KIRREL3: variants seen among roughly 807,000 people sequenced by gnomAD.
KIRREL3 encodes the protein kirre like nephrin family adhesion molecule 3.
A neutral mutation model predicts 89.7 loss-of-function variants in KIRREL3; 36 were observed. That is an observed-to-expected ratio of 0.40 (90% CI 0.31 to 0.53). The LOEUF is 0.53. Ranked by LOEUF, KIRREL3 falls within the 20% of genes least tolerant of loss-of-function variation. KIRREL3 has a pLI of 0.49. For synonymous variants in KIRREL3, 445 were observed against 441.4 expected, an observed-to-expected ratio of 1.01 and a Z score of -0.10; for missense variants, 864 against 1,056.6, an observed-to-expected ratio of 0.82 and a Z score of 2.53.
In KIRREL3 at chr11:126,566,312, G is replaced by A. The variant is rs1260410164; in HGVS notation, c.56-3400C>T. 1.3e-5 allele frequency among the ~76,000 whole-genome samples: 2 copies of A among 152,192 alleles called. No homozygotes were observed. Among genetic ancestry groups the A allele is most frequent in the African/African-American group, 4.8e-5 (2 of 41,450 alleles). ...ATTGGAGTAGGGTATGTTTCTTAGG[G>A]AGAAGATAAGTTTGCACCCTTGGGA... On this transcript the variant is annotated intron_variant, in intron 1 of 16. Transcript: ENST00000525144. This position sits in a 1 kb window ranked among gnomAD's most constrained non-coding sequence, Gnocchi z 4.9.
intron 1 of KIRREL3, among the ~76,000 whole-genome samples, chr11:126,842,126 A>G (rs1287344816): frequency 6.6e-6 from 1 of 152,022 alleles, no homozygotes; most frequent in Non-Finnish European, 1.5e-5. Flanking sequence ...TGAGGAGGGA[A>G]GGGGAGCCGC....
chr11:126,702,276 G>C (rs372484704), intron 1 of KIRREL3, among the ~76,000 whole-genome samples: 1 of 152,178 alleles, frequency 6.6e-6, no homozygotes, highest in African/African-American at 2.4e-5. Flanking sequence ...GGTAGCTGCA[G>C]GTATATTACA....
chr11:126,903,435 T>C lies in KIRREL3; in HGVS notation c.55+97020A>G, dbSNP rs1249119249. On this transcript the variant is annotated intron_variant, in intron 1 of 16. Coordinates refer to ENST00000525144, the MANE Select transcript of KIRREL3 (RefSeq NM_032531.4). The surrounding 1 kb of genome is among the most constrained non-coding windows in gnomAD (Gnocchi z 4.5). ...TTAATTAGAGATTAAAATTGAGGAA[T>C]TGAATAATTGAGGTTGCTAATGAAT... 2.0e-5 allele frequency among the ~76,000 whole-genome samples: 3 copies of C among 152,214 alleles called. No individual in the cohort carries two copies. The highest frequency in any genetic ancestry group is 4.4e-5 in the Non-Finnish European group (3 of 68,040).
rs1949595430 is a variant in KIRREL3 at position 126,976,943 on chromosome 11, A to G, written c.55+23512T>C. Among the ~76,000 whole-genome samples, 1 of 152,168 alleles carries G rather than the reference A, an allele frequency of 6.6e-6. No individual in the cohort carries two copies. Among genetic ancestry groups the G allele is most frequent in the Non-Finnish European group, 1.5e-5 (1 of 68,036 alleles). ...TCAAGTTTTAATTCCTTCTCAATTC[A>G]GCTGATCGTCCCTCAACTATGAACA... On this transcript the variant is annotated intron_variant, in intron 1 of 16. Transcript: ENST00000525144. This position sits in a 1 kb window ranked among gnomAD's most constrained non-coding sequence, Gnocchi z 4.2.
chr11:126,836,442 G>A (rs1943783773), intron 1 of KIRREL3, among the ~76,000 whole-genome samples: 1 of 150,936 alleles, frequency 6.6e-6, no homozygotes, highest in Non-Finnish European at 1.5e-5. Context: ...AAGGGTCTGA[G>A]CCAAGCCAAT....
At chr11:126,974,333 T>A (rs1591407228) in intron 1 of KIRREL3, among the ~76,000 whole-genome samples, 1 of 152,152 alleles carries the variant, frequency 6.6e-6, no homozygotes, top group East Asian at 1.9e-4. Flanking sequence ...GGAGATACGT[T>A]CTGAGAAATG....
intron 1 of KIRREL3, among the ~76,000 whole-genome samples, chr11:126,602,375 C>T (rs1330127960): frequency 1.3e-5 from 2 of 152,188 alleles, no homozygotes; most frequent in Non-Finnish European, 2.9e-5. Context: ...TCTGCCCTTT[C>T]CACCTGGGCC....
chr11:126,469,750 G>C (rs1484868159), intron 5 of KIRREL3, among the ~76,000 whole-genome samples: 2 of 152,200 alleles, frequency 1.3e-5, no homozygotes, highest in Non-Finnish European at 2.9e-5. Flanking sequence ...CCTTGCCTTG[G>C]GACACAGGGC....
At position 126,627,448 on chromosome 11, in the gene KIRREL3, C is replaced by T. The variant is rs1027449475; in HGVS notation, c.56-64536G>A. ...TTGCTGGGACAACCAGTGGCGTCAT[C>T]TTCACCAAGTCTAGGGTGGTCACCT... is the stretch of plus-strand genomic sequence containing the variant. On this transcript the variant is annotated intron_variant, in intron 1 of 16. Coordinates refer to ENST00000525144, the MANE Select transcript of KIRREL3 (RefSeq NM_032531.4). The surrounding 1 kb of genome is among the most constrained non-coding windows in gnomAD (Gnocchi z 5.0). Among the ~76,000 whole-genome samples, 2 of 152,168 alleles carry T rather than the reference C, an allele frequency of 1.3e-5. No individual in the cohort carries two copies. Among genetic ancestry groups the T allele is most frequent in the African/African-American group, 4.8e-5 (2 of 41,436 alleles).
intron 1 of KIRREL3, among the ~76,000 whole-genome samples, chr11:126,886,873 A>C (rs1259783206): frequency 6.6e-6 from 1 of 152,054 alleles, no homozygotes; most frequent in Non-Finnish European, 1.5e-5. Flanking sequence ...ATTCTGCCCC[A>C]CTCTTGACAG....
intron 1 of KIRREL3, among the ~76,000 whole-genome samples, chr11:126,980,003 C>T (rs1029221203): frequency 5.9e-5 from 9 of 152,118 alleles, no homozygotes; most frequent in African/African-American, 1.9e-4. Flanking sequence ...AAGTCAAGAA[C>T]AAGCTGGACA....
chr11:126,748,205 C>T lies in KIRREL3; in HGVS notation c.56-185293G>A, dbSNP rs1332196756. Reference sequence around the variant, plus strand: ...TTGGGGGCAAGAAGCTGCCTGGATGCTTTCTGGCCTTCTGGGTGTGCAGAC... The same window carrying T: ...TTGGGGGCAAGAAGCTGCCTGGATGTTTTCTGGCCTTCTGGGTGTGCAGAC... On this transcript the variant is annotated intron_variant, in intron 1 of 16. Coordinates refer to ENST00000525144, the MANE Select transcript of KIRREL3 (RefSeq NM_032531.4). The surrounding 1 kb of genome is among the most constrained non-coding windows in gnomAD (Gnocchi z 4.6). Among the ~76,000 whole-genome samples, 2 of 152,300 alleles carry T rather than the reference C, an allele frequency of 1.3e-5. No homozygotes were observed. The highest frequency in any genetic ancestry group is 3.9e-4 in the East Asian group (2 of 5,172).
chr11:126,560,405 G>C (rs1356238031), intron 2 of KIRREL3, among the ~76,000 whole-genome samples: 2 of 152,204 alleles, frequency 1.3e-5, no homozygotes, highest in African/African-American at 4.8e-5. Flanking sequence ...ACTATCACGT[G>C]CCTCCTTAAA....
intron 1 of KIRREL3, among the ~76,000 whole-genome samples, chr11:126,602,605 C>CT (rs1942708782): frequency 6.6e-6 from 1 of 152,174 alleles, no homozygotes; most frequent in African/African-American, 2.4e-5. Flanking sequence ...TTGAACGCCT[C>CT]TGATCTCTCC....
In KIRREL3 at chr11:126,830,669, G is replaced by C. The variant is rs1220722469; in HGVS notation, c.55+169786C>G. On this transcript the variant is annotated intron_variant, in intron 1 of 16. Transcript: ENST00000525144. This position sits in a 1 kb window ranked among gnomAD's most constrained non-coding sequence, Gnocchi z 4.9. Reference sequence around the variant, plus strand: ...GGCACTTAGGAAGGTGTTCGTGCCAGACGCATTCATTGTCTAACTGCCTGG... The same window carrying C: ...GGCACTTAGGAAGGTGTTCGTGCCACACGCATTCATTGTCTAACTGCCTGG... Among the ~76,000 whole-genome samples the C allele has an allele frequency of 6.6e-6, 1 of 152,200 alleles. No individual in the cohort carries two copies.
At chr11:126,456,263 C>T (rs1956340926) in intron 7 of KIRREL3, 86 bp downstream of exon 7, 1 of 855,636 alleles carries the variant, frequency 1.2e-6, no homozygotes, top group Admixed American at 2.0e-5. Flanking sequence ...TGCAGCCATG[C>T]TGAGGACCCT....
Position 126,431,481 on chromosome 11 carries a change from C to G in KIRREL3, c.1634G>C (p.Gly545Ala), listed in dbSNP as rs1186537789. The G allele has an allele frequency of 4.3e-6, 7 of 1,613,942 alleles. No homozygotes were observed. The highest frequency in any genetic ancestry group is 5.9e-6 in the Non-Finnish European group (7 of 1,179,918). The change falls in exon 14 of 17, where the codon GGT becomes GCT. Residue 545 changes from glycine to alanine, a missense_variant. Transcript: ENST00000525144. This position sits in a 1 kb window ranked among gnomAD's most constrained non-coding sequence, Gnocchi z 7.1. Reference sequence around the variant, plus strand: ...TGCCATAAGGACGAGGAAGGCCACACCAGCTCCTACGGCCACCCCAATGAT... The same window carrying G: ...TGCCATAAGGACGAGGAAGGCCACAGCAGCTCCTACGGCCACCCCAATGAT... ...AVIIGVAVGAGVAFLVLMATI... is the reference protein window; with the variant it reads ...AVIIGVAVGAAVAFLVLMATI...
At chr11:126,577,049 T>TG (rs1311272548) in intron 1 of KIRREL3, among the ~76,000 whole-genome samples, 1 of 151,878 alleles carries the variant, frequency 6.6e-6, no homozygotes, top group Non-Finnish European at 1.5e-5. Context: ...AACCTCTGGG[T>TG]GGGGGATGGG....
Position 126,808,617 on chromosome 11 carries a change from C to T in KIRREL3, c.55+191838G>A, listed in dbSNP as rs1951279427. Among the ~76,000 whole-genome samples the T allele has an allele frequency of 6.6e-6, 1 of 152,122 alleles. No individual in the cohort carries two copies. The highest frequency in any genetic ancestry group is 1.5e-5 in the Non-Finnish European group (1 of 68,016). On this transcript the variant is annotated intron_variant, in intron 1 of 16. Transcript: ENST00000525144. This position sits in a 1 kb window ranked among gnomAD's most constrained non-coding sequence, Gnocchi z 4.1. ...AGAAACATCAGCAGCAAAATGGAGC[C>T]AAATGGGCGGGGGCCTTTTTCTGCG... is the stretch of plus-strand genomic sequence containing the variant.
Sources: allele counts gnomAD v4.1 joint callset (sites outside exome capture counted in the v4.1 genomes callset), GRCh38; gene constraint gnomAD v4.1.1; non-coding constraint Gnocchi (gnomAD v3.1); transcripts MANE v1.5; gene names NCBI Gene and HGNC (gene_info 2026-07-23, HGNC 2026-07-21).